The following PRTG variants were observed in gnomAD, a reference collection of about 807,000 sequenced individuals.
The protein encoded by PRTG is protogenin, also known as immunoglobulin superfamily, DCC subclass, member 5.
PRTG carries 67 observed loss-of-function variants against 122.5 expected under a neutral mutation model. The observed-to-expected ratio is 0.55, with a 90% confidence interval of 0.45 to 0.67. The LOEUF (loss-of-function observed/expected upper bound fraction) is 0.67, where lower values mean the gene tolerates loss of function less well. PRTG is among the 30% of genes least tolerant of loss of function. The pLI, the probability that PRTG is intolerant of heterozygous loss-of-function variation, is 0.00. For synonymous variants in PRTG, 554 were observed against 501.1 expected (o/e 1.11, Z -1.41); for missense variants, 1,435 against 1,415.4 (o/e 1.01, Z -0.22).
At chr15:55,717,929 C>T (rs1467172215) in intron 2 of PRTG, among the ~76,000 whole-genome samples, 1 of 152,166 alleles carries the variant, frequency 6.6e-6, no homozygotes, top group East Asian at 1.9e-4. Flanking sequence ...AAGTTGGTGC[C>T]GTGACTTGGA....
chr15:55,702,656 TCTAA>T (rs1281369932), intron 2 of PRTG, among the ~76,000 whole-genome samples: 1 of 152,230 alleles, frequency 6.6e-6, no homozygotes, highest in Non-Finnish European at 1.5e-5. Context: ...ATGTTCCAGT[TCTAA>T]CTATTAGAGG....
intron 12 of PRTG, 126 bp downstream of exon 12, chr15:55,640,987 C>T: frequency 1.5e-6 from 1 of 678,562 alleles, no homozygotes. Context: ...CTACGCTATA[C>T]AGCACAGAGG....
At chr15:55,689,528 C>T (rs2059588585) in intron 2 of PRTG, among the ~76,000 whole-genome samples, 1 of 151,570 alleles carries the variant, frequency 6.6e-6, no homozygotes, top group Admixed American at 6.6e-5. Flanking sequence ...GGAGAAATAC[C>T]TAATGTAAAT....
chr15:55,740,583 C>T lies in PRTG; in HGVS notation c.196G>A (p.Val66Ile), dbSNP rs1453681974. ...VVLDCQAHGE[V>I]PIKVTWLKNG... ...TTCAACCATGTGACCTTAATAGGAA[C>T]TTCTCCGTGAGCCTGGCAATCTAAA... Residue 66 changes from valine to isoleucine, a missense_variant, in exon 2 of 20, where the codon GTT becomes ATT. Coordinates refer to ENST00000389286, the MANE Select transcript of PRTG (RefSeq NM_173814.6). The T allele has an allele frequency of 6.2e-7, 1 of 1,612,524 alleles. No homozygotes were observed. The highest frequency in any genetic ancestry group is 8.5e-7 in the Non-Finnish European group (1 of 1,179,266).
intron 18 of PRTG, among the ~76,000 whole-genome samples, chr15:55,621,910 T>G (rs2059168327): frequency 6.6e-6 from 1 of 152,222 alleles, no homozygotes; most frequent in South Asian, 2.1e-4. Flanking sequence ...CATTATTCTC[T>G]CAACTTTTCT....
In PRTG at chr15:55,614,666, G is replaced by A. The variant is rs1346725039; in HGVS notation, c.*5346C>T. ...TAAACATGAGATGTTATTTTATGAAGCACATATTCAGAAACTTTAAAGATA... is the reference window on the plus strand; with the variant it reads ...TAAACATGAGATGTTATTTTATGAAACACATATTCAGAAACTTTAAAGATA... On this transcript the variant is annotated 3_prime_UTR_variant, in exon 20 of 20. Coordinates refer to ENST00000389286, the MANE Select transcript of PRTG (RefSeq NM_173814.6). The A allele has an allele frequency of 5.9e-5, 9 of 152,144 alleles. No individual in the cohort carries two copies. The highest frequency in any genetic ancestry group is 5.9e-4 in the Admixed American group (9 of 15,262). The allele number at this position is 152,144 out of a possible 1,614,324, so 9.4% of individuals were successfully genotyped here.
chr15:55,653,620 A>T (rs7165778), intron 11 of PRTG, among the ~76,000 whole-genome samples: 104,406 of 152,020 alleles, frequency 0.69, 36,250 homozygotes, highest in Middle Eastern at 0.77. Context: ...TGTCCCACCA[A>T]GCCCAGCTAA....
intron 16 of PRTG, among the ~76,000 whole-genome samples, chr15:55,628,444 T>C (rs1403806672): frequency 1.3e-5 from 2 of 151,934 alleles, no homozygotes; most frequent in East Asian, 3.9e-4. Context: ...TGAAAACTCT[T>C]AATGAAAACC....
rs1168902554 is a variant in PRTG at position 55,617,070 on chromosome 15, T to C, written c.*2942A>G. ...CCCTTTGAAGTACAATACCATGAAG[T>C]AATACCACTATGAAAAATGAGTGAA... On this transcript the variant is annotated 3_prime_UTR_variant, in exon 20 of 20. Transcript: ENST00000389286. The C allele has an allele frequency of 6.6e-6, 1 of 152,136 alleles. No homozygotes were observed. The highest frequency in any genetic ancestry group is 2.4e-5 in the African/African-American group (1 of 41,450). 9.4% of individuals were successfully genotyped at this position (152,136 alleles called of 1,614,324 possible). A position where few individuals can be genotyped will look rare whatever the true frequency, so the allele number is the denominator to read the frequency against.
rs11632762 is a variant in PRTG, at chr15:55,743,123, G to A, written c.-192C>T. On this transcript the variant is annotated 5_prime_UTR_variant, in exon 1 of 20. Coordinates refer to ENST00000389286, the MANE Select transcript of PRTG (RefSeq NM_173814.6). Reference sequence around the variant, plus strand: ...TCGGACGGCCGCTCGCGAGAAGCAAGGGGCCTGAGAGTCCGGCTGGGGGCG... The same window carrying A: ...TCGGACGGCCGCTCGCGAGAAGCAAAGGGCCTGAGAGTCCGGCTGGGGGCG... 0.48 allele frequency: 605,874 copies of A among 1,270,998 alleles called. 154,899 individuals carry two copies. The highest frequency in any genetic ancestry group is 0.53 in the Non-Finnish European group (532,844 of 1,013,332). 78.7% of individuals were successfully genotyped at this position (1,270,998 alleles called of 1,614,324 possible). A position where few individuals can be genotyped will look rare whatever the true frequency, so the allele number is the denominator to read the frequency against.
chr15:55,665,507 GTTT>G (rs372611832), intron 11 of PRTG, among the ~76,000 whole-genome samples: 24 of 121,530 alleles, frequency 2.0e-4, no homozygotes, highest in Non-Finnish European at 3.5e-4. Flanking sequence ...GGTTTTTTTT[GTTT>G]TTTTTTTTTT....
intron 17 of PRTG, among the ~76,000 whole-genome samples, chr15:55,626,236 T>C (rs1402475441): frequency 1.3e-5 from 2 of 151,804 alleles, no homozygotes; most frequent in Non-Finnish European, 2.9e-5. Context: ...GCCAACATGG[T>C]GAAATCTACT....
Position 55,620,035 on chromosome 15 carries a change from TTA to T in PRTG, c.3428_3429del (p.Ile1143LysfsTer22), listed in dbSNP as rs778206316. The T allele has an allele frequency of 1.2e-5, 19 of 1,614,022 alleles. No homozygotes were observed. Among genetic ancestry groups the T allele is most frequent in the Non-Finnish European group, 1.6e-5 (19 of 1,180,020 alleles). ...SNDEIHLSSV[I>X]STTPPNL ...AATCAGAGGTTGGGGGGTGTGGTAC[TTA>T]TAACTGAGGACAGATGTATCTCATC... is the stretch of plus-strand genomic sequence containing the variant. On this transcript the variant is annotated frameshift_variant, in exon 20 of 20. Coordinates refer to ENST00000389286, the MANE Select transcript of PRTG (RefSeq NM_173814.6). LOFTEE classifies it high-confidence loss of function.
At chr15:55,690,802 C>T (rs768040918) in intron 2 of PRTG, among the ~76,000 whole-genome samples, 11 of 152,156 alleles carry the variant, frequency 7.2e-5, no homozygotes, top group Non-Finnish European at 1.3e-4. Context: ...GCCAGTGCTG[C>T]ATTGAGCACA....
intron 11 of PRTG, chr15:55,656,244 C>G (rs2059379186): frequency 2.3e-6 from 1 of 430,390 alleles, no homozygotes; most frequent in South Asian, 1.7e-5. Flanking sequence ...CCATCTAGAA[C>G]TGTCTCCTGC....
chr15:55,699,454 A>G (rs566881966), intron 2 of PRTG, among the ~76,000 whole-genome samples: 2 of 152,346 alleles, frequency 1.3e-5, no homozygotes, highest in Admixed American at 6.5e-5. Context: ...TTATCATTAA[A>G]TGTCCACCAA....
chr15:55,679,866 G>A (rs766826225), intron 6 of PRTG, 188 bp downstream of exon 6: 7 of 560,906 alleles, frequency 1.2e-5, no homozygotes, highest in Non-Finnish European at 2.2e-5. Context: ...TAAACAGAAT[G>A]GTGACCTCAG....
intron 11 of PRTG, among the ~76,000 whole-genome samples, chr15:55,642,967 G>A (rs1313788878): frequency 1.3e-5 from 2 of 152,002 alleles, no homozygotes. Flanking sequence ...CAGCTGCTCA[G>A]GAGGCTAAAG....
chr15:55,629,819 ATTTTT>A (rs563897634), intron 15 of PRTG, among the ~76,000 whole-genome samples: 1 of 140,046 alleles, frequency 7.1e-6, no homozygotes. Context: ...TACTGGTCTA[ATTTTT>A]TTTTTTTTTT....
Sources: gnomAD v4.1 joint callset for allele counts (sites outside exome capture counted in the v4.1 genomes callset) on GRCh38, gnomAD v4.1.1 for gene constraint, MANE v1.5 for transcripts, NCBI Gene and HGNC (gene_info 2026-07-23, HGNC 2026-07-21) for gene names.